The following KMT5C variants were observed in gnomAD, a reference collection of about 807,000 sequenced individuals.
KMT5C encodes histone-lysine N-methyltransferase KMT5C.
Under a neutral mutation model 38.2 loss-of-function variants are expected in KMT5C, and 16 were observed. That is an observed-to-expected ratio of 0.42 (90% CI 0.28 to 0.64). The LOEUF (loss-of-function observed/expected upper bound fraction) is 0.64, where lower values mean the gene tolerates loss of function less well. Ranked by LOEUF, KMT5C falls within the 30% of genes least tolerant of loss-of-function variation. The probability of loss-of-function intolerance (pLI) is 0.23; values close to 1 mark genes in which losing one functional copy is unlikely to be tolerated. For synonymous variants in KMT5C, 291 were observed against 279.0 expected, an observed-to-expected ratio of 1.04 and a Z score of -0.43; for missense variants, 598 against 665.1, an observed-to-expected ratio of 0.90 and a Z score of 1.11.
intron 3 of KMT5C, 22 bp from the exon 4 acceptor site, chr19:55,342,719 AC>A (rs2089573424): frequency 1.5e-6 from 2 of 1,321,278 alleles, no homozygotes; most frequent in South Asian, 2.4e-5. Flanking sequence ...CCGCCTCCTC[AC>A]CCCCACCCTC....
chr19:55,344,415 A>G (rs551325465), intron 6 of KMT5C: 35 of 314,262 alleles, frequency 1.1e-4, no homozygotes, highest in South Asian at 9.1e-4. Flanking sequence ...ATGGCTTCCC[A>G]CGGGTCCTGG....
At chr19:55,342,076 C>G in intron 2 of KMT5C, 30 bp downstream of exon 2, 1 of 1,589,298 alleles carries the variant, frequency 6.3e-7, no homozygotes, top group Non-Finnish European at 8.6e-7. Flanking sequence ...AGGGTGGGCC[C>G]GAGGGGTCAG....
In KMT5C at chr19:55,341,808, C is replaced by G; in HGVS notation, c.-129C>G. 1.4e-6 allele frequency: 1 copy of G among 704,330 alleles called. No homozygotes were observed. The highest frequency in any genetic ancestry group is 1.7e-5 in the South Asian group (1 of 58,318). 43.6% of individuals were successfully genotyped at this position (704,330 alleles called of 1,614,324 possible). A position where few individuals can be genotyped will look rare whatever the true frequency, so the allele number is the denominator to read the frequency against. On this transcript the variant is annotated 5_prime_UTR_variant, in exon 2 of 9. Coordinates refer to ENST00000255613, the MANE Select transcript of KMT5C (RefSeq NM_032701.4). ...CCATTTTGCAGATGAGATCGTGGGG[C>G]TCACCAGCGTCCCCCATGGCTTCTG...
rs2089579103 is a variant in KMT5C at position 55,343,172 on chromosome 19, G to C, written c.386+321G>C. 6 of 75,596 alleles carry C rather than the reference G, an allele frequency of 7.9e-5. No homozygotes were observed. In the South Asian group the frequency reaches 1.0e-3, roughly 13 times the overall value. 4.7% of individuals were successfully genotyped at this position (75,596 alleles called of 1,614,324 possible). A position where few individuals can be genotyped will look rare whatever the true frequency, so the allele number is the denominator to read the frequency against. ...GTTAAACACCCCTGAGTGCAATGAG[G>C]AGCCCCTGCCCCTGCCCCTGCGGGG... On this transcript the variant is annotated intron_variant, in intron 4 of 8. Transcript: ENST00000255613. The surrounding 1 kb of genome is among the most constrained non-coding windows in gnomAD (Gnocchi z 5.5).
At chr19:55,340,277 C>G in intron 1 of KMT5C, among the ~76,000 whole-genome samples, 1 of 151,040 alleles carries the variant, frequency 6.6e-6, no homozygotes, top group South Asian at 2.1e-4. Context: ...CTGACCTCAC[C>G]CTCCAGGCCT....
intron 6 of KMT5C, chr19:55,344,361 CAAAAA>C (rs909444379): frequency 1.2e-3 from 196 of 160,696 alleles, no homozygotes; most frequent in South Asian, 2.1e-3. Flanking sequence ...GACTCTGTCT[CAAAAA>C]AAAAAAAAAA....
rs764360208 is a variant in KMT5C at position 55,342,748 on chromosome 19, C to G, written c.283C>G (p.Arg95Gly). 6.3e-7 allele frequency: 1 copy of G among 1,590,826 alleles called. No homozygotes were observed. Among genetic ancestry groups the G allele is most frequent in the Admixed American group, 1.7e-5 (1 of 59,942 alleles). Residue 95 changes from arginine (R) to glycine (G), a missense_variant, in exon 4 of 9, where the codon CGC becomes GGC. Arg to Gly is a moderately radical substitution (Grantham distance 125). Transcript: ENST00000255613. ...CCACCCTCACCCTCACCAGGTCTAT[C>G]GCTACCTCCGTGCCTTCCTGCCGGA... The part of the protein sequence containing the change: ...QEAALKTHVY[R>G]YLRAFLPESG...
chr19:55,343,853 AGGCAGGTGGATG>A lies in KMT5C; in HGVS notation c.550+17_550+28del. On this transcript the variant is annotated intron_variant, in intron 5 of 8. Coordinates refer to ENST00000255613, the MANE Select transcript of KMT5C (RefSeq NM_032701.4). This position sits in a 1 kb window ranked among gnomAD's most constrained non-coding sequence, Gnocchi z 5.5. ...GCCTTCATCAACCATGGTGAGGGTC[AGGCAGGTGGATG>A]GGCAGGACGGGATAGAGCCAGGCAG... 1 of 1,613,288 alleles carries A rather than the reference AGGCAGGTGGATG, an allele frequency of 6.2e-7. No homozygotes were observed. Among genetic ancestry groups the A allele is most frequent in the Non-Finnish European group, 8.5e-7 (1 of 1,179,540 alleles).
chr19:55,344,797 C>T (rs747386339), intron 6 of KMT5C: 11 of 522,344 alleles, frequency 2.1e-5, no homozygotes, highest in East Asian at 1.1e-4. Context: ...GGCTCCAGGG[C>T]GGCATTGAGG....
At position 55,346,493 on chromosome 19, in the gene KMT5C, C is replaced by T. The variant is rs773469352; in HGVS notation, c.708-7C>T. 7.0e-5 allele frequency: 112 copies of T among 1,591,770 alleles called. No homozygotes were observed. Among genetic ancestry groups the T allele is most frequent in the Non-Finnish European group, 9.4e-5 (110 of 1,169,580 alleles). On this transcript the variant is annotated splice_polypyrimidine_tract_variant and splice_region_variant and intron_variant, in intron 7 of 8. Coordinates refer to ENST00000255613, the MANE Select transcript of KMT5C (RefSeq NM_032701.4). ...CGGCCTCATCTCCCCTTCACCCGGT[C>T]TCCCAGGAAAGGTGAAGGAGCTTTC...
chr19:55,347,568 T>C lies in KMT5C; in HGVS notation c.*119T>C. Reference sequence around the variant, plus strand: ...AGCTGACCCTTGACTCCAGCATAGCTCTGACCCTGGAATGGGGTTGGTTTG... The same window carrying C: ...AGCTGACCCTTGACTCCAGCATAGCCCTGACCCTGGAATGGGGTTGGTTTG... On this transcript the variant is annotated 3_prime_UTR_variant, in exon 9 of 9. Transcript: ENST00000255613. This position sits in a 1 kb window ranked among gnomAD's most constrained non-coding sequence, Gnocchi z 4.6. The C allele has an allele frequency of 2.1e-6, 3 of 1,411,104 alleles. No individual in the cohort carries two copies. The highest frequency in any genetic ancestry group is 2.8e-6 in the Non-Finnish European group (3 of 1,084,528). The allele number at this position is 1,411,104 out of a possible 1,614,324, so 87.4% of individuals were successfully genotyped here.
intron 1 of KMT5C, among the ~76,000 whole-genome samples, chr19:55,340,347 A>AC (rs1217163464): frequency 8.6e-6 from 1 of 116,332 alleles, no homozygotes; most frequent in Non-Finnish European, 1.9e-5. Context: ...CCCTTCTCTC[A>AC]CCCCCGGGAC....
chr19:55,343,584 C>T lies in KMT5C; in HGVS notation c.387-96C>T, dbSNP rs1384882689. The T allele has an allele frequency of 1.6e-6, 2 of 1,230,998 alleles. No homozygotes were observed. The highest frequency in any genetic ancestry group is 2.2e-5 in the Admixed American group (1 of 45,484). The allele number at this position is 1,230,998 out of a possible 1,614,324, so 76.3% of individuals were successfully genotyped here. The stretch of plus-strand genomic sequence containing the variant: ...CCAGCACCAGCGCCCAGGAGTCCCT[C>T]CTTCCTGGGTGCCTCTGTGCCGGAG... On this transcript the variant is annotated intron_variant, in intron 4 of 8. Transcript: ENST00000255613. This position sits in a 1 kb window ranked among gnomAD's most constrained non-coding sequence, Gnocchi z 5.5.
chr19:55,346,853 C>T lies in KMT5C; in HGVS notation c.896-103C>T, dbSNP rs560448762. On this transcript the variant is annotated intron_variant, in intron 8 of 8. Transcript: ENST00000255613. The stretch of plus-strand genomic sequence containing the variant: ...TCGGCCGCATCATTCCTCTGGGGAG[C>T]GCAGGGCAGGGCTGCCTCCTTGTCC... The T allele has an allele frequency of 1.5e-3, 978 of 670,942 alleles. 2 individuals are homozygous for T. The highest frequency in any genetic ancestry group is 2.0e-3 in the Non-Finnish European group (840 of 413,772). The allele number at this position is 670,942 out of a possible 1,614,324, so 41.6% of individuals were successfully genotyped here. A position where few individuals can be genotyped will look rare whatever the true frequency, so the allele number is the denominator to read the frequency against.
intron 1 of KMT5C, among the ~76,000 whole-genome samples, chr19:55,341,294 T>G (rs1011548852): frequency 6.8e-6 from 1 of 146,598 alleles, no homozygotes; most frequent in Non-Finnish European, 1.5e-5. Context: ...CTGCCCTCCC[T>G]CCCGTCACCC....
Position 55,347,225 on chromosome 19 carries a change from G to T in KMT5C, c.1165G>T (p.Asp389Tyr). 1 of 1,542,296 alleles carries T rather than the reference G, an allele frequency of 6.5e-7. No homozygotes were observed. Among genetic ancestry groups the T allele is most frequent in the Non-Finnish European group, 8.7e-7 (1 of 1,147,368 alleles). The part of the protein sequence containing the change: ...PPHARWAPQQ[D>Y]WHWARRYGLP... ...CCACGCCCGCTGGGCCCCTCAGCAG[G>T]ACTGGCACTGGGCCCGGCGCTATGG... The change falls in exon 9 of 9, where the codon GAC becomes TAC. Residue 389 changes from aspartate to tyrosine, a missense_variant. Physicochemically the swap from Asp to Tyr is radical, Grantham distance 160 (BLOSUM62 -3). Coordinates refer to ENST00000255613, the MANE Select transcript of KMT5C (RefSeq NM_032701.4). This position sits in a 1 kb window ranked among gnomAD's most constrained non-coding sequence, Gnocchi z 4.6.
chr19:55,345,713 C>G (rs574832479), intron 6 of KMT5C, among the ~76,000 whole-genome samples: 2 of 152,282 alleles, frequency 1.3e-5, no homozygotes, highest in African/African-American at 2.4e-5. Flanking sequence ...TGTGGGGCAG[C>G]TCCTGGGTGA....
At chr19:55,344,600 G>A (rs1340545374) in intron 6 of KMT5C, 1 of 450,778 alleles carries the variant, frequency 2.2e-6, no homozygotes, top group Non-Finnish European at 4.6e-6. Flanking sequence ...GGCAGGGAGT[G>A]TGGCAGGGAG....
Position 55,343,036 on chromosome 19 carries a change from C to G in KMT5C, c.386+185C>G. 1 of 584,184 alleles carries G rather than the reference C, an allele frequency of 1.7e-6. No individual in the cohort carries two copies. Among genetic ancestry groups the G allele is most frequent in the Non-Finnish European group, 3.1e-6 (1 of 324,454 alleles). The allele number at this position is 584,184 out of a possible 1,614,324, so 36.2% of individuals were successfully genotyped here. A position where few individuals can be genotyped will look rare whatever the true frequency, so the allele number is the denominator to read the frequency against. ...TGTGGCTACCGTGGTGCCGCTGGAG[C>G]AGGAGACCCCGGATGTGACCCCAGG... On this transcript the variant is annotated intron_variant, in intron 4 of 8. Transcript: ENST00000255613. The surrounding 1 kb of genome is among the most constrained non-coding windows in gnomAD (Gnocchi z 5.5).
Sources: gnomAD v4.1 joint callset for allele counts (sites outside exome capture counted in the v4.1 genomes callset) on GRCh38, gnomAD v4.1.1 for gene constraint, Gnocchi (gnomAD v3.1) non-coding constraint, MANE v1.5 for transcripts, NCBI Gene and HGNC (gene_info 2026-07-23, HGNC 2026-07-21) for gene names.